The following ITPR1 variants were observed in gnomAD, a reference collection of about 807,000 sequenced individuals.
ITPR1 encodes inositol 1,4,5-trisphosphate-gated calcium channel ITPR1.
In ITPR1, 96 loss-of-function variants were observed where a neutral mutation model predicts 318.4. That is an observed-to-expected ratio of 0.30 (90% confidence interval 0.26 to 0.36). ITPR1 has a LOEUF of 0.36. ITPR1 is among the 10% of genes least tolerant of loss of function. ITPR1 has a pLI of 1.00. For synonymous variants in ITPR1, 1,312 were observed against 1,289.9 expected (o/e 1.02, Z -0.37); for missense variants, 2,440 against 3,460.2 (o/e 0.71, Z 7.40).
intron 4 of ITPR1, among the ~76,000 whole-genome samples, chr3:4,617,434 AAAAGAGCC>A (rs908836335): frequency 8.5e-5 from 13 of 152,252 alleles, no homozygotes; most frequent in Admixed American, 7.2e-4. Flanking sequence ...GCAGAAGGAC[AAAAGAGCC>A]AAGAGAGAGA....
chr3:4,769,297 C>T (rs2046031683), intron 46 of ITPR1, among the ~76,000 whole-genome samples: 1 of 152,148 alleles, frequency 6.6e-6, no homozygotes, highest in Non-Finnish European at 1.5e-5. Context: ...ATCTTGTGCA[C>T]CAACATAGGT....
chr3:4,547,114 G>C (rs1379523188), intron 4 of ITPR1, among the ~76,000 whole-genome samples: 1 of 152,196 alleles, frequency 6.6e-6, no homozygotes, highest in African/African-American at 2.4e-5. Flanking sequence ...TTCAAGGCCT[G>C]TGCTAGGCAT....
At chr3:4,653,808 A>T in intron 11 of ITPR1, 34 bp from the exon 12 acceptor site, 1 of 1,551,766 alleles carries the variant, frequency 6.4e-7, no homozygotes, top group South Asian at 1.2e-5. Flanking sequence ...AAAGCAATGG[A>T]TGTTTTAATT....
At chr3:4,676,574 T>TAGAGAATGCTC in intron 23 of ITPR1, 40 bp from the exon 24 acceptor site, 1 of 1,519,284 alleles carries the variant, frequency 6.6e-7, no homozygotes, top group Non-Finnish European at 9.1e-7. Flanking sequence ...GAGCATTCTC[T>TAGAGAATGCTC]AGAGACATTG....
intron 50 of ITPR1, among the ~76,000 whole-genome samples, chr3:4,783,415 G>T (rs1290543216): frequency 6.6e-6 from 1 of 152,096 alleles, no homozygotes; most frequent in East Asian, 1.9e-4. Context: ...CCCGAGGTTG[G>T]TGGGCCCCTG....
At chr3:4,662,301 C>T in intron 15 of ITPR1, 59 bp downstream of exon 15, 1 of 1,387,750 alleles carries the variant, frequency 7.2e-7, no homozygotes, top group East Asian at 2.6e-5. Flanking sequence ...TTCTGACATC[C>T]ATGGGGTGGA....
At chr3:4,524,793 T>C (rs1010295133) in intron 4 of ITPR1, among the ~76,000 whole-genome samples, 1 of 152,236 alleles carries the variant, frequency 6.6e-6, no homozygotes, top group African/African-American at 2.4e-5. Flanking sequence ...GGATCAGGCT[T>C]CCTGGTTCAT....
At chr3:4,642,311 T>G in intron 7 of ITPR1, 60 bp downstream of exon 7, 1 of 1,328,706 alleles carries the variant, frequency 7.5e-7, no homozygotes, top group Non-Finnish European at 9.9e-7. Flanking sequence ...CATGACTGTA[T>G]ATTAGAGTTA....
chr3:4,661,693 A>G (rs893128500), intron 14 of ITPR1, among the ~76,000 whole-genome samples: 2 of 152,222 alleles, frequency 1.3e-5, no homozygotes, highest in African/African-American at 4.8e-5. Context: ...GATTTATAGA[A>G]AAGTTGAAAT....
At chr3:4,609,051 A>AAAATATAT (rs2091905319) in intron 4 of ITPR1, among the ~76,000 whole-genome samples, 1 of 46,542 alleles carries the variant, frequency 2.1e-5, no homozygotes, top group Non-Finnish European at 4.6e-5. Flanking sequence ...ACAACAACGA[A>AAAATATAT]ATATATATAT....
chr3:4,586,720 GCTGGATTTTTTTTTTTTTTTTAATACA>G (rs930869555), intron 4 of ITPR1, among the ~76,000 whole-genome samples: 7 of 141,598 alleles, frequency 4.9e-5, no homozygotes, highest in African/African-American at 2.1e-4. Context: ...TGTTGCCCAG[GCTGGATTTTTTTTTTTTTTTTAATACA>G]ACTAGTCTCT....
At chr3:4,513,905 G>A (rs930699856) in intron 2 of ITPR1, among the ~76,000 whole-genome samples, 2 of 152,020 alleles carry the variant, frequency 1.3e-5, no homozygotes, top group Non-Finnish European at 2.9e-5. Context: ...GTCCAACATG[G>A]CAAAACCCCA....
intron 4 of ITPR1, among the ~76,000 whole-genome samples, chr3:4,593,855 G>T (rs949883800): frequency 6.6e-6 from 1 of 152,188 alleles, no homozygotes. Flanking sequence ...ATTGATTGCT[G>T]GGTTAAGGAG....
At chr3:4,744,216 A>G (rs1322286572) in intron 44 of ITPR1, among the ~76,000 whole-genome samples, 3 of 152,364 alleles carry the variant, frequency 2.0e-5, no homozygotes, top group South Asian at 2.1e-4. Context: ...AAAAGTGCAG[A>G]GAAAAATGAC....
chr3:4,562,789 A>T (rs2086815899), intron 4 of ITPR1, among the ~76,000 whole-genome samples: 1 of 152,078 alleles, frequency 6.6e-6, no homozygotes. Context: ...CACTGGAGAT[A>T]GTGTTGAGTG....
At chr3:4,796,981 T>C (rs2047939324) in intron 53 of ITPR1, among the ~76,000 whole-genome samples, 1 of 152,182 alleles carries the variant, frequency 6.6e-6, no homozygotes, top group Non-Finnish European at 1.5e-5. Context: ...CTGGATGGTA[T>C]GACTATCGAG....
chr3:4,797,718 T>G (rs981485260), intron 53 of ITPR1, among the ~76,000 whole-genome samples: 4 of 152,240 alleles, frequency 2.6e-5, no homozygotes, highest in African/African-American at 4.8e-5. Flanking sequence ...GAAAGAACAG[T>G]ATAATGAGCT....
chr3:4,823,171 T>G (rs1316312110), intron 60 of ITPR1, among the ~76,000 whole-genome samples: 1 of 152,236 alleles, frequency 6.6e-6, no homozygotes, highest in East Asian at 1.9e-4. Flanking sequence ...GAATTCATTA[T>G]GAGCACTTTG....
chr3:4,805,895 T>C (rs1003201534), intron 54 of ITPR1, among the ~76,000 whole-genome samples: 1 of 152,244 alleles, frequency 6.6e-6, no homozygotes, highest in Admixed American at 6.5e-5. Context: ...TTGACTACCA[T>C]GTAATTTGTA....
Sources: allele counts gnomAD v4.1 joint callset (sites outside exome capture counted in the v4.1 genomes callset), GRCh38; gene constraint gnomAD v4.1.1; transcripts MANE v1.5; gene names NCBI Gene and HGNC (gene_info 2026-07-23, HGNC 2026-07-21).